Variants in SPOCK3 observed in about 807,000 individuals in gnomAD.
SPOCK3 encodes SPARC (osteonectin), cwcv and kazal like domains proteoglycan 3, also known as testican-3.
Under a neutral mutation model 56.6 loss-of-function variants are expected in SPOCK3, and 30 were observed. The observed-to-expected ratio is 0.53, with a 90% CI of 0.40 to 0.72. The LOEUF is 0.72. SPOCK3 is among the 30% of genes least tolerant of loss of function. The pLI is 0.00. For synonymous variants in SPOCK3, 196 were observed against 183.3 expected (o/e 1.07, Z -0.56); for missense variants, 527 against 530.0 (o/e 0.99, Z 0.06).
intron 2 of SPOCK3, among the ~76,000 whole-genome samples, chr4:167,126,264 T>G (rs1000192640): frequency 6.6e-6 from 1 of 151,968 alleles, no homozygotes; most frequent in African/African-American, 2.4e-5. Flanking sequence ...AAGTTCATTG[T>G]AGGCCGGGCG....
At chr4:167,032,578 C>A (rs771521547) in intron 3 of SPOCK3, among the ~76,000 whole-genome samples, 1 of 151,816 alleles carries the variant, frequency 6.6e-6, no homozygotes, top group Admixed American at 6.6e-5. Context: ...GTACTGTATG[C>A]TCAGTTAATG....
At chr4:166,942,238 G>A (rs1246764181) in intron 4 of SPOCK3, among the ~76,000 whole-genome samples, 1 of 151,330 alleles carries the variant, frequency 6.6e-6, no homozygotes, top group Non-Finnish European at 1.5e-5. Context: ...TTTAGATGGA[G>A]TCTTGCTCTG....
chr4:166,968,699 C>A (rs1745025622), intron 4 of SPOCK3, among the ~76,000 whole-genome samples: 1 of 145,210 alleles, frequency 6.9e-6, no homozygotes, highest in Non-Finnish European at 1.5e-5. Flanking sequence ...CAGGCAGAGG[C>A]CTCATGGAGA....
intron 2 of SPOCK3, among the ~76,000 whole-genome samples, chr4:167,107,739 C>T (rs564240501): frequency 6.6e-6 from 1 of 151,786 alleles, no homozygotes; most frequent in East Asian, 1.9e-4. Flanking sequence ...AGGACAAATT[C>T]GGTAAAGTTG....
chr4:166,955,328 G>A (rs1037646549), intron 4 of SPOCK3, among the ~76,000 whole-genome samples: 2 of 150,604 alleles, frequency 1.3e-5, no homozygotes, highest in Non-Finnish European at 3.0e-5. Flanking sequence ...TTACTAATTT[G>A]CCATTCCTAT....
intron 4 of SPOCK3, among the ~76,000 whole-genome samples, chr4:166,939,784 CT>C (rs1740843334): frequency 6.6e-6 from 1 of 152,108 alleles, no homozygotes; most frequent in South Asian, 2.1e-4. Flanking sequence ...ATCACATTAT[CT>C]TTTTGTTTAA....
At chr4:166,842,733 G>A (rs182662172) in intron 6 of SPOCK3, among the ~76,000 whole-genome samples, 97 of 152,332 alleles carry the variant, frequency 6.4e-4, no homozygotes, top group African/African-American at 2.1e-3. Flanking sequence ...AGACATAAAA[G>A]TTCTTCAAGT....
chr4:166,910,433 A>C (rs1325987538), intron 5 of SPOCK3, among the ~76,000 whole-genome samples: 1 of 152,164 alleles, frequency 6.6e-6, no homozygotes, highest in Non-Finnish European at 1.5e-5. Context: ...AAGGTATCAC[A>C]GTGTGCCTCA....
At chr4:167,161,428 C>A (rs149973026) in intron 2 of SPOCK3, among the ~76,000 whole-genome samples, 1 of 152,004 alleles carries the variant, frequency 6.6e-6, no homozygotes, top group African/African-American at 2.4e-5. Context: ...AAGAACACTT[C>A]GACACTGTTG....
intron 2 of SPOCK3, among the ~76,000 whole-genome samples, chr4:167,070,392 G>C (rs1002033004): frequency 1.6e-4 from 25 of 151,844 alleles, no homozygotes; most frequent in African/African-American, 5.6e-4. Context: ...TCCACTTATT[G>C]ACAAATACTT....
chr4:166,821,573 T>C (rs916903746), intron 6 of SPOCK3, among the ~76,000 whole-genome samples: 2 of 152,016 alleles, frequency 1.3e-5, no homozygotes, highest in Non-Finnish European at 2.9e-5. Context: ...AAATGTAGTA[T>C]ATCCATGCAA....
At chr4:166,998,063 C>T (rs1008243122) in intron 4 of SPOCK3, among the ~76,000 whole-genome samples, 18 of 152,184 alleles carry the variant, frequency 1.2e-4, no homozygotes, top group African/African-American at 3.9e-4. Flanking sequence ...AGCTCTTCTT[C>T]CCTAAGCGTT....
At chr4:166,843,778 CAT>C (rs1747765688) in intron 6 of SPOCK3, among the ~76,000 whole-genome samples, 1 of 152,194 alleles carries the variant, frequency 6.6e-6, no homozygotes, top group Admixed American at 6.5e-5. Context: ...GAAAATAATA[CAT>C]GTCTCTCTCT....
At chr4:166,805,806 G>A (rs1006607950) in intron 6 of SPOCK3, among the ~76,000 whole-genome samples, 2 of 152,014 alleles carry the variant, frequency 1.3e-5, no homozygotes, top group African/African-American at 4.8e-5. Flanking sequence ...AGCAAAATAT[G>A]TAAGTCTGAA....
intron 2 of SPOCK3, among the ~76,000 whole-genome samples, chr4:167,076,511 T>C (rs1757199016): frequency 6.6e-6 from 1 of 151,980 alleles, no homozygotes. Context: ...AGAAAAATTT[T>C]ATAACATAGC....
intron 4 of SPOCK3, among the ~76,000 whole-genome samples, chr4:166,997,071 A>G (rs1193468933): frequency 1.3e-5 from 2 of 151,994 alleles, no homozygotes; most frequent in Admixed American, 1.3e-4. Context: ...CAGAAAACCA[A>G]ACACCACATG....
At chr4:166,960,726 A>G (rs1744043405) in intron 4 of SPOCK3, among the ~76,000 whole-genome samples, 1 of 152,228 alleles carries the variant, frequency 6.6e-6, no homozygotes, top group Admixed American at 6.5e-5. Flanking sequence ...ATGAACACTG[A>G]TAAGTGAAGG....
intron 3 of SPOCK3, chr4:167,011,104 A>T (rs1004818681): frequency 5.6e-5 from 14 of 249,576 alleles, no homozygotes; most frequent in Non-Finnish European, 4.2e-5. Flanking sequence ...AAACAGAAAA[A>T]AAAAGAGATA....
In SPOCK3 at chr4:166,735,268, T is replaced by A. The variant is rs7356212; in HGVS notation, c.1133-178A>T. Among the ~76,000 whole-genome samples, 1,320 of 152,176 alleles carry A rather than the reference T, an allele frequency of 8.7e-3. 25 individuals are homozygous for A. The highest frequency in any genetic ancestry group is 0.03 in the African/African-American group (1,251 of 41,572). On this transcript the variant is annotated intron_variant, in intron 10 of 10. Transcript: ENST00000357545. ...AAAATTATCACATGTTAAAAATCTA[T>A]CATTTGTTAAAATGTATGTGCTAAA...
Sources: gnomAD v4.1 joint callset for allele counts (sites outside exome capture counted in the v4.1 genomes callset) on GRCh38, gnomAD v4.1.1 for gene constraint, MANE v1.5 for transcripts, NCBI Gene and HGNC (gene_info 2026-07-23, HGNC 2026-07-21) for gene names.